Variants in ARHGAP24 observed in about 807,000 individuals in gnomAD.
ARHGAP24 encodes the protein rho GTPase-activating protein 24.
Under a neutral mutation model 76.4 loss-of-function variants are expected in ARHGAP24, and 50 were observed. The ratio of observed to expected loss-of-function variants is 0.65; its 90% confidence interval spans 0.52 to 0.83. The LOEUF (loss-of-function observed/expected upper bound fraction) is 0.83. ARHGAP24 is among the 40% of genes least tolerant of loss of function. The probability of loss-of-function intolerance (pLI) is 0.00; values close to 1 mark genes in which losing one functional copy is unlikely to be tolerated. For missense variants in ARHGAP24, 930 were observed against 914.2 expected (o/e 1.02, Z -0.22); for synonymous variants, 345 against 323.3 (o/e 1.07, Z -0.72).
intron 8 of ARHGAP24, among the ~76,000 whole-genome samples, chr4:85,979,478 G>A (rs951501865): frequency 6.6e-6 from 1 of 151,692 alleles, no homozygotes; most frequent in African/African-American, 2.4e-5. Flanking sequence ...CATTAAACAC[G>A]AACTCCCCTT....
intron 3 of ARHGAP24, among the ~76,000 whole-genome samples, chr4:85,752,788 A>G (rs1258234938): frequency 6.6e-6 from 1 of 152,240 alleles, no homozygotes; most frequent in Non-Finnish European, 1.5e-5. Flanking sequence ...GTGTGTTACG[A>G]GAGAAGACAG....
intron 2 of ARHGAP24, among the ~76,000 whole-genome samples, chr4:85,660,855 C>G: frequency 7.3e-6 from 1 of 137,170 alleles, no homozygotes; most frequent in Non-Finnish European, 1.6e-5. Flanking sequence ...TGCTGGTAGA[C>G]ATAACCTTTC....
chr4:85,616,608 C>T (rs542781767), intron 2 of ARHGAP24, among the ~76,000 whole-genome samples: 1 of 152,168 alleles, frequency 6.6e-6, no homozygotes, highest in South Asian at 2.1e-4. Flanking sequence ...AAGTCTCTCT[C>T]CTTTGCCTGT....
chr4:85,831,973 G>C (rs4693742), intron 3 of ARHGAP24, among the ~76,000 whole-genome samples: 14,039 of 151,834 alleles, frequency 0.092, 1,011 homozygotes, highest in East Asian at 0.29. Context: ...TTAAACGTAG[G>C]TTTTATTATT....
chr4:85,921,669 A>T lies in ARHGAP24; in HGVS notation c.269-1979A>T, dbSNP rs899111031. On this transcript the variant is annotated intron_variant, in intron 3 of 9. Coordinates refer to ENST00000395184, the MANE Select transcript of ARHGAP24 (RefSeq NM_001025616.3). ...GACTTCGAAATCTATGCTTTTTCAG[A>T]TACGAGTTGTTTAAAGCAGGGGACC... is the stretch of plus-strand genomic sequence containing the variant. 4.6e-5 allele frequency among the ~76,000 whole-genome samples: 7 copies of T among 152,066 alleles called. No individual in the cohort carries two copies. The South Asian group carries it at 8.3e-4, about 18-fold the overall frequency.
At chr4:85,753,253 T>C (rs892997331) in intron 3 of ARHGAP24, among the ~76,000 whole-genome samples, 1 of 152,194 alleles carries the variant, frequency 6.6e-6, no homozygotes, top group South Asian at 2.1e-4. Context: ...TGTAAGTGTA[T>C]TTTTTTCTTT....
At chr4:85,759,798 A>G (rs554245863) in intron 3 of ARHGAP24, among the ~76,000 whole-genome samples, 1 of 152,310 alleles carries the variant, frequency 6.6e-6, no homozygotes, top group African/African-American at 2.4e-5. Flanking sequence ...TGAAACTCTC[A>G]GCAGGCTTTA....
chr4:85,687,824 T>C (rs1253264482), intron 2 of ARHGAP24, among the ~76,000 whole-genome samples: 1 of 152,124 alleles, frequency 6.6e-6, no homozygotes, highest in African/African-American at 2.4e-5. Flanking sequence ...TTTTCTTTTT[T>C]TTTTAAAACA....
chr4:85,593,217 C>T (rs1306414218), intron 2 of ARHGAP24, among the ~76,000 whole-genome samples: 2 of 152,036 alleles, frequency 1.3e-5, no homozygotes, highest in African/African-American at 4.8e-5. Flanking sequence ...ATGTTGAGCA[C>T]CTTTTCATAT....
intron 3 of ARHGAP24, among the ~76,000 whole-genome samples, chr4:85,849,993 C>A (rs1731127163): frequency 6.6e-6 from 1 of 152,052 alleles, no homozygotes; most frequent in African/African-American, 2.4e-5. Flanking sequence ...CTCTCTTTTT[C>A]TGTTGATTGG....
At chr4:85,937,917 C>T (rs1379814003) in intron 4 of ARHGAP24, among the ~76,000 whole-genome samples, 1 of 152,164 alleles carries the variant, frequency 6.6e-6, no homozygotes, top group Non-Finnish European at 1.5e-5. Context: ...AGTTACAGGG[C>T]ACAGAGTCTA....
intron 3 of ARHGAP24, among the ~76,000 whole-genome samples, chr4:85,857,657 T>C (rs1047374583): frequency 3.3e-5 from 5 of 152,204 alleles, no homozygotes; most frequent in Non-Finnish European, 7.3e-5. Flanking sequence ...AAGCAAAAGA[T>C]AGTAGATCCT....
At chr4:85,985,944 G>A (rs951617505) in intron 8 of ARHGAP24, among the ~76,000 whole-genome samples, 1 of 152,136 alleles carries the variant, frequency 6.6e-6, no homozygotes, top group African/African-American at 2.4e-5. Flanking sequence ...GCACCAGTTG[G>A]AAAATGAACC....
chr4:85,940,045 C>T (rs1036319685), intron 4 of ARHGAP24, among the ~76,000 whole-genome samples: 4 of 152,086 alleles, frequency 2.6e-5, no homozygotes, highest in East Asian at 1.9e-4. Flanking sequence ...ATAAGCATCA[C>T]GTTTGTTTTC....
chr4:85,685,159 C>T (rs546570617), intron 2 of ARHGAP24, among the ~76,000 whole-genome samples: 10 of 152,012 alleles, frequency 6.6e-5, no homozygotes, highest in Non-Finnish European at 1.2e-4. Flanking sequence ...TAAAAGAAAC[C>T]ACTTGCTACT....
At chr4:85,966,697 G>T (rs188262568) in intron 5 of ARHGAP24, among the ~76,000 whole-genome samples, 2 of 152,116 alleles carry the variant, frequency 1.3e-5, no homozygotes, top group South Asian at 4.1e-4. Context: ...GGTAGCATTG[G>T]TGTTGGAAGT....
intron 3 of ARHGAP24, among the ~76,000 whole-genome samples, chr4:85,763,171 T>G (rs1285609579): frequency 6.6e-6 from 1 of 152,210 alleles, no homozygotes; most frequent in East Asian, 1.9e-4. Flanking sequence ...GTTATTTAAC[T>G]CTGAAAAAGC....
intron 3 of ARHGAP24, among the ~76,000 whole-genome samples, chr4:85,799,209 T>C (rs1728483423): frequency 6.6e-6 from 1 of 152,112 alleles, no homozygotes; most frequent in Admixed American, 6.5e-5. Context: ...AAACATCATC[T>C]TTCAAAAAAC....
intron 1 of ARHGAP24, among the ~76,000 whole-genome samples, chr4:85,477,327 ATTC>A (rs1282563937): frequency 1.3e-5 from 2 of 152,204 alleles, no homozygotes; most frequent in Non-Finnish European, 2.9e-5. Flanking sequence ...TCTCTGTAAT[ATTC>A]TTCTGTGCCT....
Sources: gnomAD v4.1 joint callset for allele counts (sites outside exome capture counted in the v4.1 genomes callset) on GRCh38, gnomAD v4.1.1 for gene constraint, MANE v1.5 for transcripts, NCBI Gene and HGNC (gene_info 2026-07-23, HGNC 2026-07-21) for gene names.